Variants in FOXP1 observed in about 807,000 individuals in gnomAD.
The protein encoded by FOXP1 is forkhead box P1.
In FOXP1, 15 loss-of-function variants were observed where a neutral mutation model predicts 98.2. The ratio of observed to expected loss-of-function variants is 0.15; its 90% confidence interval spans 0.10 to 0.24. The LOEUF (loss-of-function observed/expected upper bound fraction) is 0.24. Among genes scored for constraint, FOXP1 ranks in the 10% least tolerant of loss-of-function variants. The pLI is 1.00. For synonymous variants in FOXP1, 371 were observed against 314.5 expected, an observed-to-expected ratio of 1.18 and a Z score of -1.90; for missense variants, 633 against 848.5, an observed-to-expected ratio of 0.75 and a Z score of 3.15.
Position 71,112,554 on chromosome 3 carries a change from G to A in FOXP1, c.264C>T (p.Asp88=). ...TTGTTACCTGAAGAGCTGGTTGTTT[G>A]TCATTCCTCTTGGGAGATTTTAATC... ...VSGLKSPKRN[D]KQPALQVPVS... Residue 88 remains aspartate (D), a synonymous_variant, in exon 7 of 21, where the codon GAC becomes GAT. Transcript: ENST00000649528. The A allele has an allele frequency of 6.2e-7, 1 of 1,613,554 alleles. No individual in the cohort carries two copies. Among genetic ancestry groups the A allele is most frequent in the Non-Finnish European group, 8.5e-7 (1 of 1,179,472 alleles).
chr3:71,200,104 A>AAAG (rs1553777309), intron 5 of FOXP1, among the ~76,000 whole-genome samples: 3 of 151,376 alleles, frequency 2.0e-5, no homozygotes, highest in Admixed American at 6.6e-5. Flanking sequence ...AAAAAAAAAA[A>AAAG]AGAGAGAAAA....
chr3:71,318,005 A>T (rs2075177346), intron 4 of FOXP1, among the ~76,000 whole-genome samples: 1 of 151,706 alleles, frequency 6.6e-6, no homozygotes, highest in South Asian at 2.1e-4. Flanking sequence ...AGCCATAGTT[A>T]GATGTAGCTA....
At chr3:71,000,439 A>G (rs2041966987) in intron 13 of FOXP1, among the ~76,000 whole-genome samples, 1 of 152,076 alleles carries the variant, frequency 6.6e-6, no homozygotes, top group African/African-American at 2.4e-5. Flanking sequence ...AAATAAACCC[A>G]CATATAACTT....
intron 2 of FOXP1, among the ~76,000 whole-genome samples, chr3:71,552,971 T>C (rs2045881751): frequency 6.6e-6 from 1 of 152,078 alleles, no homozygotes; most frequent in Non-Finnish European, 1.5e-5. Context: ...TCAGGAAAAA[T>C]GTCAGTCTTT....
intron 3 of FOXP1, among the ~76,000 whole-genome samples, chr3:71,411,778 A>C (rs2082768636): frequency 6.6e-6 from 1 of 152,212 alleles, no homozygotes; most frequent in Admixed American, 6.5e-5. Flanking sequence ...GGGAAACCTC[A>C]GTTCCAATAT....
At chr3:71,058,720 T>A (rs965427493) in intron 7 of FOXP1, among the ~76,000 whole-genome samples, 1 of 152,082 alleles carries the variant, frequency 6.6e-6, no homozygotes, top group Admixed American at 6.5e-5. Context: ...TTTTCATAAT[T>A]AACAAGTCAA....
At chr3:71,317,857 C>G (rs1238305286) in intron 4 of FOXP1, among the ~76,000 whole-genome samples, 2 of 152,124 alleles carry the variant, frequency 1.3e-5, no homozygotes, top group Admixed American at 1.3e-4. Context: ...TTAAAGCAGC[C>G]TTCTGGTCTG....
At chr3:71,483,600 T>A (rs576061593) in intron 3 of FOXP1, among the ~76,000 whole-genome samples, 27 of 152,288 alleles carry the variant, frequency 1.8e-4, no homozygotes, top group Admixed American at 2.0e-4. Context: ...CGTCTGTAAA[T>A]AAATTGTACT....
At chr3:71,457,293 T>C (rs1380160092) in intron 3 of FOXP1, among the ~76,000 whole-genome samples, 1 of 152,192 alleles carries the variant, frequency 6.6e-6, no homozygotes, top group Non-Finnish European at 1.5e-5. Context: ...TAAGAAAATA[T>C]GCAGTAGTAC....
intron 4 of FOXP1, among the ~76,000 whole-genome samples, chr3:71,343,924 G>T (rs2077165394): frequency 6.6e-6 from 1 of 152,200 alleles, no homozygotes; most frequent in Admixed American, 6.5e-5. Context: ...ACTAAGGAAA[G>T]CAGGACTCTT....
chr3:71,293,575 A>G (rs953591408), intron 5 of FOXP1, among the ~76,000 whole-genome samples: 6 of 152,182 alleles, frequency 3.9e-5, no homozygotes, highest in African/African-American at 1.2e-4. Flanking sequence ...AATTGCTGCA[A>G]ATATTGTCTT....
At chr3:71,154,858 G>A (rs1237388271) in intron 6 of FOXP1, among the ~76,000 whole-genome samples, 1 of 152,160 alleles carries the variant, frequency 6.6e-6, no homozygotes. Flanking sequence ...AACATAACAG[G>A]AGCCAAAGGG....
intron 7 of FOXP1, among the ~76,000 whole-genome samples, chr3:71,093,460 C>T (rs896702125): frequency 2.1e-5 from 3 of 141,216 alleles, no homozygotes; most frequent in African/African-American, 7.8e-5. Context: ...TTTGACTGTA[C>T]TAGCCACATT....
chr3:71,095,594 G>C (rs2056381112), intron 7 of FOXP1, among the ~76,000 whole-genome samples: 1 of 151,502 alleles, frequency 6.6e-6, no homozygotes, highest in South Asian at 2.1e-4. Context: ...GCAGAAGAAA[G>C]CTCCTAGATC....
chr3:71,112,676 CA>C (rs1559954246), intron 6 of FOXP1, 39 bp from the exon 7 acceptor site: 1 of 1,455,216 alleles, frequency 6.9e-7, no homozygotes, highest in African/African-American at 1.4e-5. Context: ...CGTTACTACA[CA>C]GGTTCAGGGG....
chr3:71,074,390 C>A (rs993614976), intron 7 of FOXP1, among the ~76,000 whole-genome samples: 35 of 152,106 alleles, frequency 2.3e-4, no homozygotes, highest in African/African-American at 8.5e-4. Flanking sequence ...CCACGCCCGG[C>A]TAATTTTTGT....
chr3:71,488,654 G>C (rs988536956), intron 3 of FOXP1, among the ~76,000 whole-genome samples: 1 of 152,208 alleles, frequency 6.6e-6, no homozygotes, highest in Non-Finnish European at 1.5e-5. Context: ...CTTGTATTGG[G>C]TTAGGAACTG....
At chr3:71,253,697 C>A (rs2068403716) in intron 5 of FOXP1, among the ~76,000 whole-genome samples, 1 of 151,996 alleles carries the variant, frequency 6.6e-6, no homozygotes, top group South Asian at 2.1e-4. Flanking sequence ...TAAGCTCATC[C>A]CACTAAAATG....
intron 3 of FOXP1, among the ~76,000 whole-genome samples, chr3:71,438,569 C>T (rs1159149240): frequency 1.3e-5 from 2 of 152,206 alleles, no homozygotes; most frequent in Admixed American, 1.3e-4. Flanking sequence ...CTCCCCTCCA[C>T]TCACATAATT....
Sources: gnomAD v4.1 joint callset for allele counts (sites outside exome capture counted in the v4.1 genomes callset) on GRCh38, gnomAD v4.1.1 for gene constraint, MANE v1.5 for transcripts, NCBI Gene and HGNC (gene_info 2026-07-23, HGNC 2026-07-21) for gene names.